Variants in KCNIP4 observed in about 807,000 individuals in gnomAD.
KCNIP4 encodes the protein Kv channel-interacting protein 4.
A neutral mutation model predicts 34.0 loss-of-function variants in KCNIP4; 12 were observed. The ratio of observed to expected loss-of-function variants is 0.35; its 90% CI spans 0.23 to 0.57. KCNIP4 has a LOEUF of 0.57. Among genes scored for constraint, KCNIP4 ranks in the 20% least tolerant of loss-of-function variants. KCNIP4 has a pLI of 0.83. For missense variants in KCNIP4, 238 were observed against 311.7 expected, an observed-to-expected ratio of 0.76 and a Z score of 1.78; for synonymous variants, 124 against 102.2, an observed-to-expected ratio of 1.21 and a Z score of -1.29.
intron 1 of KCNIP4, among the ~76,000 whole-genome samples, chr4:21,015,744 AATATG>A (rs1739465840): frequency 7.4e-6 from 1 of 135,852 alleles, no homozygotes; most frequent in African/African-American, 2.7e-5. Context: ...TATATTATAT[AATATG>A]ATATATAAAT....
In KCNIP4 at chr4:21,220,834, T is replaced by C. The variant is rs373868151; in HGVS notation, c.62-338125A>G. On this transcript the variant is annotated intron_variant, in intron 1 of 8. Transcript: ENST00000382152. Reference sequence around the variant, plus strand: ...TTCAGCTATGTGAGTTAATATATTCTCATTGTTATTGAAACCAGTTTGATT... The same window carrying C: ...TTCAGCTATGTGAGTTAATATATTCCCATTGTTATTGAAACCAGTTTGATT... Among the ~76,000 whole-genome samples the C allele has an allele frequency of 1.3e-4, 20 of 152,286 alleles. No individual in the cohort carries two copies. In the East Asian group the frequency reaches 3.5e-3, roughly 26 times the overall value.
At chr4:21,060,851 C>G (rs1743853531) in intron 1 of KCNIP4, among the ~76,000 whole-genome samples, 1 of 152,126 alleles carries the variant, frequency 6.6e-6, no homozygotes, top group Admixed American at 6.6e-5. Context: ...GAGCTATCTC[C>G]TTCTATTTGT....
chr4:21,666,323 T>C (rs1384880293), intron 1 of KCNIP4, among the ~76,000 whole-genome samples: 1 of 152,246 alleles, frequency 6.6e-6, no homozygotes, highest in Non-Finnish European at 1.5e-5. Context: ...GAATCTTGAC[T>C]TCATTAGAGC....
chr4:20,889,266 T>G (rs1422723065), intron 1 of KCNIP4, among the ~76,000 whole-genome samples: 2 of 152,164 alleles, frequency 1.3e-5, no homozygotes, highest in African/African-American at 4.8e-5. Flanking sequence ...GCTAGTAAAT[T>G]ATAAGAAGCA....
intron 1 of KCNIP4, among the ~76,000 whole-genome samples, chr4:21,407,312 T>G (rs367930393): frequency 6.6e-6 from 1 of 152,190 alleles, no homozygotes. Context: ...ACCATCCAGG[T>G]TAGCCCTATC....
chr4:20,987,965 C>T (rs1237752496), intron 1 of KCNIP4, among the ~76,000 whole-genome samples: 1 of 128,646 alleles, frequency 7.8e-6, no homozygotes, highest in Non-Finnish European at 1.5e-5. Context: ...CGCACCACTG[C>T]ACTCCAGCCT....
intron 1 of KCNIP4, among the ~76,000 whole-genome samples, chr4:21,067,505 C>T (rs895253452): frequency 2.6e-5 from 4 of 152,060 alleles, no homozygotes; most frequent in South Asian, 2.1e-4. Context: ...TGGGTCTGCC[C>T]GGCATTAGGA....
At chr4:21,000,926 C>A (rs1738073764) in intron 1 of KCNIP4, among the ~76,000 whole-genome samples, 1 of 152,154 alleles carries the variant, frequency 6.6e-6, no homozygotes, top group Non-Finnish European at 1.5e-5. Context: ...CTTCCACTCC[C>A]AATTCTTCCT....
intron 1 of KCNIP4, among the ~76,000 whole-genome samples, chr4:21,781,030 G>T (rs1719543355): frequency 6.6e-6 from 1 of 152,048 alleles, no homozygotes; most frequent in Non-Finnish European, 1.5e-5. Context: ...CACCACTCTG[G>T]TCTGACCCCA....
chr4:21,930,959 G>C (rs1729528379), intron 1 of KCNIP4, among the ~76,000 whole-genome samples: 1 of 152,074 alleles, frequency 6.6e-6, no homozygotes, highest in African/African-American at 2.4e-5. Flanking sequence ...CCTGTTCTAG[G>C]CTTATGCCAT....
chr4:20,837,848 ATT>A (rs34976488), intron 3 of KCNIP4, among the ~76,000 whole-genome samples: 2 of 143,560 alleles, frequency 1.4e-5, no homozygotes, highest in African/African-American at 2.6e-5. Flanking sequence ...TGCCCAGCAA[ATT>A]TTTTTTTTTT....
intron 1 of KCNIP4, among the ~76,000 whole-genome samples, chr4:21,219,547 A>C (rs1233884834): frequency 6.6e-6 from 1 of 152,216 alleles, no homozygotes; most frequent in African/African-American, 2.4e-5. Context: ...ACCATTCACT[A>C]ATGGTTAAAG....
intron 1 of KCNIP4, among the ~76,000 whole-genome samples, chr4:21,499,745 A>G (rs868482237): frequency 6.8e-4 from 103 of 152,284 alleles, no homozygotes; most frequent in Middle Eastern, 3.4e-3. Context: ...AAGCTTATTT[A>G]AAACCAACAA....
Position 21,348,852 on chromosome 4 carries a change from G to A in KCNIP4, c.62-466143C>T, listed in dbSNP as rs115606651. Among the ~76,000 whole-genome samples, 521 of 152,320 alleles carry A rather than the reference G, an allele frequency of 3.4e-3. 2 individuals are homozygous for A. The highest frequency in any genetic ancestry group is 0.012 in the African/African-American group (503 of 41,582). ...ATGAGTGCCATGAGTTCTGGGGAAA[G>A]AGAGTTAGCTGTGGGTTGAAGGAGT... On this transcript the variant is annotated intron_variant, in intron 1 of 8. Coordinates refer to ENST00000382152, the MANE Select transcript of KCNIP4 (RefSeq NM_025221.6).
chr4:21,324,625 AGT>A (rs1328066246), intron 1 of KCNIP4, among the ~76,000 whole-genome samples: 2 of 151,454 alleles, frequency 1.3e-5, no homozygotes, highest in African/African-American at 4.8e-5. Context: ...TTTTTATGCC[AGT>A]GCCTTACTGT....
chr4:21,503,120 A>G (rs945891124), intron 1 of KCNIP4, among the ~76,000 whole-genome samples: 2 of 152,148 alleles, frequency 1.3e-5, no homozygotes, highest in African/African-American at 4.8e-5. Flanking sequence ...CTGCTTCTAT[A>G]CTTCATTTTT....
chr4:20,776,737 GA>G (rs1756403936), intron 3 of KCNIP4, among the ~76,000 whole-genome samples: 1 of 151,894 alleles, frequency 6.6e-6, no homozygotes, highest in African/African-American at 2.4e-5. Flanking sequence ...TCCATTTTAT[GA>G]CATATTTGTG....
intron 1 of KCNIP4, among the ~76,000 whole-genome samples, chr4:21,471,567 C>A (rs954996607): frequency 3.3e-5 from 5 of 152,120 alleles, no homozygotes; most frequent in Admixed American, 6.6e-5. Context: ...ATTTTATGCA[C>A]AGAAAACAGG....
chr4:21,804,639 C>T (rs553447996), intron 1 of KCNIP4, among the ~76,000 whole-genome samples: 1 of 152,076 alleles, frequency 6.6e-6, no homozygotes, highest in African/African-American at 2.4e-5. Flanking sequence ...GACTTTAAAC[C>T]ACTGCCACTT....
Sources: gnomAD v4.1 joint callset for allele counts (sites outside exome capture counted in the v4.1 genomes callset) on GRCh38, gnomAD v4.1.1 for gene constraint, MANE v1.5 for transcripts, NCBI Gene and HGNC (gene_info 2026-07-23, HGNC 2026-07-21) for gene names.